Variants in MICAL3 observed in about 807,000 individuals in gnomAD.
MICAL3 encodes the protein [F-actin]-monooxygenase MICAL3.
Under a neutral mutation model 207.4 loss-of-function variants are expected in MICAL3, and 62 were observed. The observed-to-expected ratio is 0.30, with a 90% CI of 0.24 to 0.37. The LOEUF is 0.37. MICAL3 is among the 10% of genes least tolerant of loss of function. MICAL3 has a pLI of 1.00. For missense variants in MICAL3, 2,368 were observed against 2,635.6 expected (o/e 0.90, Z 2.22); for synonymous variants, 1,077 against 1,069.3 (o/e 1.01, Z -0.14).
At chr22:17,868,757 C>T (rs183587560) in intron 17 of MICAL3, among the ~76,000 whole-genome samples, 3 of 152,242 alleles carry the variant, frequency 2.0e-5, no homozygotes, top group Admixed American at 1.3e-4. Context: ...GTCAAGTGGG[C>T]CGTTCATTCA....
intron 16 of MICAL3, among the ~76,000 whole-genome samples, chr22:17,877,139 GGTTAT>G (rs1569109878): frequency 3.2e-5 from 4 of 124,744 alleles, no homozygotes; most frequent in African/African-American, 1.0e-4. Flanking sequence ...AGGTTAGGGA[GGTTAT>G]GGAGGTTAGG....
At chr22:17,850,924 C>A (rs1925259163) in intron 19 of MICAL3, among the ~76,000 whole-genome samples, 1 of 152,266 alleles carries the variant, frequency 6.6e-6, no homozygotes, top group African/African-American at 2.4e-5. Context: ...CGTGTTATAC[C>A]ATCTCACAGG....
Position 17,906,796 on chromosome 22 carries a change from T to G in MICAL3, c.17A>C (p.His6Pro), listed in dbSNP as rs1417104389. The G allele has an allele frequency of 6.2e-7, 1 of 1,607,850 alleles. No homozygotes were observed. Among genetic ancestry groups the G allele is most frequent in the Non-Finnish European group, 8.5e-7 (1 of 1,176,136 alleles). The change falls in exon 2 of 32, where the codon CAT (histidine) becomes CCT (proline). Residue 6 changes from histidine (H) to proline (P), a missense_variant. Physicochemically the swap from His to Pro is moderately conservative, Grantham distance 77. Transcript: ENST00000441493. ...GACATGAGCTGGGTTCATGGTCTCA[T>G]GCTTCCTCTCCTCCATGCTGCCTCA... MEERK[H>P]ETMNPAHVLF...
chr22:17,896,575 G>T, intron 8 of MICAL3, 149 bp downstream of exon 8: 1 of 870,234 alleles, frequency 1.1e-6, no homozygotes. Context: ...GTGGCCTGTA[G>T]CCCTCCTCTA....
At chr22:17,856,421 C>T (rs1449036785) in intron 19 of MICAL3, among the ~76,000 whole-genome samples, 1 of 152,060 alleles carries the variant, frequency 6.6e-6, no homozygotes, top group Non-Finnish European at 1.5e-5. Context: ...CCTTCATTCT[C>T]CTCTCTAAGC....
intron 1 of MICAL3, among the ~76,000 whole-genome samples, chr22:17,922,446 A>C (rs1932822651): frequency 6.6e-6 from 1 of 152,202 alleles, no homozygotes; most frequent in African/African-American, 2.4e-5. Context: ...AAGCAGCCAC[A>C]GTTGAGTTCC....
At chr22:17,884,351 T>TA (rs767825068) in intron 16 of MICAL3, 39 of 1,590,444 alleles carry the variant, frequency 2.5e-5, no homozygotes, top group Non-Finnish European at 3.2e-5. Context: ...CCCACGCTCT[T>TA]GTGTCAGCTG....
chr22:17,917,643 C>T (rs1024445497), intron 1 of MICAL3, among the ~76,000 whole-genome samples: 2 of 152,208 alleles, frequency 1.3e-5, no homozygotes, highest in African/African-American at 4.8e-5. Flanking sequence ...ATCCCAGCCC[C>T]AGGTCAGATC....
chr22:17,869,109 C>T (rs897369985), intron 17 of MICAL3, among the ~76,000 whole-genome samples: 2 of 152,156 alleles, frequency 1.3e-5, no homozygotes, highest in Admixed American at 1.3e-4. Flanking sequence ...GTGGCTTCAT[C>T]ATGCTTATGG....
At chr22:17,851,501 G>A (rs1925336220) in intron 19 of MICAL3, among the ~76,000 whole-genome samples, 1 of 152,198 alleles carries the variant, frequency 6.6e-6, no homozygotes, top group African/African-American at 2.4e-5. Context: ...CATCAGGGTA[G>A]GCAGTCAATA....
At chr22:17,904,532 G>C (rs779335707) in intron 3 of MICAL3, 100 bp downstream of exon 3, 1 of 875,286 alleles carries the variant, frequency 1.1e-6, no homozygotes, top group Non-Finnish European at 1.9e-6. Flanking sequence ...GAAGAAATTG[G>C]GTGGCATATG....
chr22:17,872,591 A>G (rs1269181068), intron 16 of MICAL3, among the ~76,000 whole-genome samples: 1 of 152,254 alleles, frequency 6.6e-6, no homozygotes, highest in Non-Finnish European at 1.5e-5. Flanking sequence ...CAACTACTGC[A>G]GTCTTAGGAA....
At position 17,968,911 on chromosome 22, in the gene MICAL3, G is replaced by T. The variant is rs1419682908; in HGVS notation, c.-75+55370C>A. Among the ~76,000 whole-genome samples the T allele has an allele frequency of 3.3e-5, 5 of 151,920 alleles. No individual in the cohort carries two copies. The South Asian group carries it at 6.2e-4, about 19-fold the overall frequency. On this transcript the variant is annotated intron_variant, in intron 1 of 31. Coordinates refer to ENST00000441493, the MANE Select transcript of MICAL3 (RefSeq NM_015241.3). ...TTAACTACAAATAAATGGTCTCATG[G>T]GTAAATTAACCAATGCAAAAAATGG...
At chr22:17,962,242 G>T (rs1433054353) in intron 1 of MICAL3, among the ~76,000 whole-genome samples, 2 of 146,356 alleles carry the variant, frequency 1.4e-5, no homozygotes, top group Admixed American at 6.8e-5. Context: ...GTGCGAAAGC[G>T]AACAAGCAAA....
In MICAL3 at chr22:17,916,077, A is replaced by AAAAC. The variant is rs1569131721; in HGVS notation, c.-74-9195_-74-9192dup. Among the ~76,000 whole-genome samples, 9 of 148,746 alleles carry AAAAC rather than the reference A, an allele frequency of 6.1e-5. 1 individual carries two copies. The highest frequency in any genetic ancestry group is 2.3e-4 in the African/African-American group (9 of 38,982). Reference sequence around the variant, plus strand: ...TCTCAAAAAAAAAAAAAAAAAAAAAAAAACCCAAAAAGCAACAAAAAACAA... The same window carrying AAAAC: ...TCTCAAAAAAAAAAAAAAAAAAAAAAAAACAAACCCAAAAAGCAACAAAAAACAA... On this transcript the variant is annotated intron_variant, in intron 1 of 31. Transcript: ENST00000441493.
chr22:17,835,131 A>G (rs959436314), intron 20 of MICAL3, among the ~76,000 whole-genome samples: 17 of 152,370 alleles, frequency 1.1e-4, no homozygotes, highest in African/African-American at 3.8e-4. Context: ...CAGCGAGGCC[A>G]GCCCACAGCC....
At position 17,796,766 on chromosome 22, in the gene MICAL3, G is replaced by C. The variant is rs1194447573; in HGVS notation, c.5651-5465C>G. On this transcript the variant is annotated intron_variant, in intron 29 of 31. Coordinates refer to ENST00000441493, the MANE Select transcript of MICAL3 (RefSeq NM_015241.3). The surrounding 1 kb of genome is among the most constrained non-coding windows in gnomAD (Gnocchi z 4.4). ...TGTTTTGTCTGTGCCTGGGGAGACA[G>C]TGAAGGCAGGACCTGAATCCAGGCC... Among the ~76,000 whole-genome samples, 1 of 152,178 alleles carries C rather than the reference G, an allele frequency of 6.6e-6. No individual in the cohort carries two copies. The highest frequency in any genetic ancestry group is 2.4e-5 in the African/African-American group (1 of 41,446).
At chr22:17,990,408 A>T (rs1921542390) in intron 1 of MICAL3, among the ~76,000 whole-genome samples, 1 of 152,166 alleles carries the variant, frequency 6.6e-6, no homozygotes, top group African/African-American at 2.4e-5. Context: ...AAGTTTCATG[A>T]GCACCAGTCA....
At chr22:17,863,425 G>T (rs1926724273) in intron 19 of MICAL3, 1 of 985,218 alleles carries the variant, frequency 1.0e-6, no homozygotes, top group South Asian at 4.7e-5. Flanking sequence ...AGACCCCTTT[G>T]GTTATTTTTC....
Sources: allele counts gnomAD v4.1 joint callset (sites outside exome capture counted in the v4.1 genomes callset), GRCh38; gene constraint gnomAD v4.1.1; non-coding constraint Gnocchi (gnomAD v3.1); transcripts MANE v1.5; gene names NCBI Gene and HGNC (gene_info 2026-07-23, HGNC 2026-07-21).